Variants in SPEG observed in about 807,000 individuals in gnomAD.
SPEG encodes striated muscle enriched protein kinase.
SPEG carries 114 observed loss-of-function variants against 300.4 expected under a neutral mutation model. The observed-to-expected ratio is 0.38, with a 90% CI of 0.33 to 0.44. SPEG has a LOEUF of 0.44. SPEG is among the 20% of genes least tolerant of loss of function. SPEG has a pLI of 1.00. For synonymous variants in SPEG, 1,964 were observed against 2,018.9 expected, an observed-to-expected ratio of 0.97 and a Z score of 0.73; for missense variants, 4,201 against 4,586.2, an observed-to-expected ratio of 0.92 and a Z score of 2.43.
Position 219,489,768 on chromosome 2 carries a change from C to A in SPEG, c.8750C>A (p.Ala2917Asp), listed in dbSNP as rs1275116074. ...GCACCACCAGCCCCTGAGCCCCCAG[C>A]CCCTGAGCCCCCTCCTGAGCCTACC... Reference protein sequence around the residue: ...VSAPPAPEPPAPEPPPEPTKV... With the variant: ...VSAPPAPEPPDPEPPPEPTKV... The change falls in exon 36 of 41, where the codon GCC becomes GAC. Residue 2917 changes from alanine (A) to aspartate (D), a missense_variant. This residue lies in a region of SPEG where 1,578 missense variants were observed against 1,506.0 expected (regional missense o/e 1.05). Transcript: ENST00000312358. 6.2e-7 allele frequency: 1 copy of A among 1,613,684 alleles called. No homozygotes were observed. Among genetic ancestry groups the A allele is most frequent in the East Asian group, 2.2e-5 (1 of 44,880 alleles).
rs781110021 is a variant in SPEG at position 219,484,449 on chromosome 2, C to T, written c.6986C>T (p.Ser2329Leu). The stretch of plus-strand genomic sequence containing the variant: ...AGTAGCAGCATCGAAAACTTGGAGT[C>T]GGAGGCCGTGTTCGAGGCCAAGTTC... ...SLSSSIENLE[S>L]EAVFEAKFKR... The change falls in exon 30 of 41, where the codon TCG becomes TTG. Residue 2329 changes from serine (S) to leucine (L), a missense_variant. Ser to Leu is a moderately radical substitution (Grantham distance 145). Around this residue, in one of 4 missense-constraint regions of SPEG, gnomAD observed 1,578 missense variants for 1,506.0 expected, o/e 1.05. Transcript: ENST00000312358. 40 of 1,611,272 alleles carry T rather than the reference C, an allele frequency of 2.5e-5. No homozygotes were observed. Among genetic ancestry groups the T allele is most frequent in the Middle Eastern group, 1.6e-4 (1 of 6,084 alleles).
At position 219,483,772 on chromosome 2, in the gene SPEG, G is replaced by A; in HGVS notation, c.6309G>A (p.Arg2103=). Residue 2103 remains arginine, a synonymous_variant, in exon 30 of 41, where the codon CGG becomes CGA. Coordinates refer to ENST00000312358, the MANE Select transcript of SPEG (RefSeq NM_005876.5). Reference sequence around the variant, plus strand: ...TGGGGGGCCGTGCTCGGGACCCCCGGATGGCACGAGCTGCCTCCAGCGAGG... The same window carrying A: ...TGGGGGGCCGTGCTCGGGACCCCCGAATGGCACGAGCTGCCTCCAGCGAGG... The part of the protein sequence containing the change: ...ESLGGRARDP[R]MARAASSEAA... 7.1e-6 allele frequency: 11 copies of A among 1,552,908 alleles called. No homozygotes were observed. Among genetic ancestry groups the A allele is most frequent in the Non-Finnish European group, 9.5e-6 (11 of 1,156,582 alleles).
chr2:219,479,772 T>C lies in SPEG; in HGVS notation c.5086-11T>C. On this transcript the variant is annotated splice_polypyrimidine_tract_variant and intron_variant, in intron 23 of 40. Coordinates refer to ENST00000312358, the MANE Select transcript of SPEG (RefSeq NM_005876.5). This position sits in a 1 kb window ranked among gnomAD's most constrained non-coding sequence, Gnocchi z 5.5. ...CTTCCCCCTCAGACTCTGGGCCCACTATTTCCACAGATCCGGGCCTATATG... is the reference window on the plus strand; with the variant it reads ...CTTCCCCCTCAGACTCTGGGCCCACCATTTCCACAGATCCGGGCCTATATG... The C allele has an allele frequency of 6.2e-7, 1 of 1,613,356 alleles. No homozygotes were observed.
At chr2:219,462,712 T>C (rs549689146) in intron 8 of SPEG, among the ~76,000 whole-genome samples, 78 of 152,358 alleles carry the variant, frequency 5.1e-4, no homozygotes, top group African/African-American at 1.6e-3. Context: ...GGCCAGGAGT[T>C]TGAGACCAGC....
chr2:219,471,839 G>T, intron 13 of SPEG, 29 bp from the exon 14 acceptor site: 1 of 1,613,266 alleles, frequency 6.2e-7, no homozygotes, highest in East Asian at 2.2e-5. Flanking sequence ...CCGGGCTCAG[G>T]CCCAGTGTCA....
chr2:219,467,454 T>G lies in SPEG; in HGVS notation c.3142+20T>G. The stretch of plus-strand genomic sequence containing the variant: ...CCAAAGGTAACTCCCCACTCAGGCA[T>G]TGGGCTGCCGTGGGTGCCCAAGAGC... On this transcript the variant is annotated intron_variant, in intron 10 of 40. Coordinates refer to ENST00000312358, the MANE Select transcript of SPEG (RefSeq NM_005876.5). The G allele has an allele frequency of 6.3e-7, 1 of 1,585,432 alleles. No homozygotes were observed. The highest frequency in any genetic ancestry group is 8.6e-7 in the Non-Finnish European group (1 of 1,162,736).
chr2:219,464,637 C>T lies in SPEG; in HGVS notation c.2881+29C>T. 1.2e-6 allele frequency: 2 copies of T among 1,605,618 alleles called. No individual in the cohort carries two copies. Among genetic ancestry groups the T allele is most frequent in the South Asian group, 2.2e-5 (2 of 90,544 alleles). ...AGTACCTGATTTCTCCATGAATGCC[C>T]ACCTGGCCCTGGCCCCTTCCTTCCC... On this transcript the variant is annotated intron_variant, in intron 9 of 40. Transcript: ENST00000312358. The surrounding 1 kb of genome is among the most constrained non-coding windows in gnomAD (Gnocchi z 4.5).
Position 219,472,281 on chromosome 2 carries a change from G to A in SPEG, c.3890G>A (p.Arg1297Lys), listed in dbSNP as rs767030316. ...CCGCAGGTGGTGGCTGTGACGGGGA[G>A]GATGGTCACACTCACATGGAACCCC... ...GAPQVVAVTG[R>K]MVTLTWNPPR... Residue 1297 changes from arginine (R) to lysine (K), a missense_variant, in exon 15 of 41, where the codon AGG becomes AAG. Transcript: ENST00000312358. 21 of 1,613,876 alleles carry A rather than the reference G, an allele frequency of 1.3e-5. 1 individual carries two copies. In the South Asian group the frequency reaches 2.3e-4, roughly 18 times the overall value.
chr2:219,472,556 C>CA (rs1691979775), intron 15 of SPEG, among the ~76,000 whole-genome samples: 1 of 152,184 alleles, frequency 6.6e-6, no homozygotes, highest in Admixed American at 6.5e-5. Context: ...TTCCCATCCT[C>CA]AGAGTGGGTG....
chr2:219,485,626 C>T, intron 31 of SPEG, 149 bp downstream of exon 31: 1 of 712,868 alleles, frequency 1.4e-6, no homozygotes, highest in South Asian at 2.5e-5. Flanking sequence ...ATAGCAGTAG[C>T]TGACATTCAT....
Position 219,448,974 on chromosome 2 carries a change from G to T in SPEG, c.1816G>T (p.Glu606Ter). The T allele has an allele frequency of 6.6e-7, 1 of 1,509,970 alleles. No individual in the cohort carries two copies. The allele number at this position is 1,509,970 out of a possible 1,614,324, so 93.5% of individuals were successfully genotyped here. Residue 606 changes from glutamate (E) to a stop codon, truncating the protein, a stop_gained, in exon 4 of 41, where the codon GAG becomes TAG. Transcript: ENST00000312358. LOFTEE classifies it high-confidence loss of function. ...GCTGACCCGGAGCAGAGCCATCCAGGAGTGCAGGAGCCCTGTGCCGCCCCC... is the reference window on the plus strand; with the variant it reads ...GCTGACCCGGAGCAGAGCCATCCAGTAGTGCAGGAGCCCTGTGCCGCCCCC... ...FPLTRSRAIQ[E>*]CRSPVPPPAA...
intron 9 of SPEG, chr2:219,465,584 C>T (rs187007301): frequency 1.5e-5 from 3 of 193,684 alleles, no homozygotes; most frequent in East Asian, 1.6e-4. Context: ...GGATTCCTTC[C>T]GACACCCCCA....
chr2:219,468,549 C>T, intron 10 of SPEG, 29 bp from the exon 11 acceptor site: 1 of 1,604,644 alleles, frequency 6.2e-7, no homozygotes, highest in Non-Finnish European at 8.5e-7. Flanking sequence ...TTAGCCTTCC[C>T]TATCTCTGAG....
chr2:219,473,510 C>A lies in SPEG; in HGVS notation c.4154C>A (p.Thr1385Asn), dbSNP rs773080145. 3.1e-6 allele frequency: 5 copies of A among 1,613,854 alleles called. No individual in the cohort carries two copies. The Admixed American group carries it at 6.7e-5, about 22-fold the overall frequency. The change falls in exon 17 of 41, where the codon ACC (threonine) becomes AAC (asparagine). Residue 1385 changes from threonine to asparagine, a missense_variant. Coordinates refer to ENST00000312358, the MANE Select transcript of SPEG (RefSeq NM_005876.5). This position sits in a 1 kb window ranked among gnomAD's most constrained non-coding sequence, Gnocchi z 4.6. ...EPVQLLEHGP[T>N]LEEAPAMLDK... ...TGCGCTCTCCTCCTCCCAGGCCCAA[C>A]CCTGGAGGAGGCCCCTGCCATGCTG...
Position 219,448,999 on chromosome 2 carries a change from C to T in SPEG, c.1841C>T (p.Pro614Leu), listed in dbSNP as rs546598705. 6 of 1,482,724 alleles carry T rather than the reference C, an allele frequency of 4.0e-6. No homozygotes were observed. The highest frequency in any genetic ancestry group is 4.0e-5 in the South Asian group (3 of 74,912). The allele number at this position is 1,482,724 out of a possible 1,614,324, so 91.8% of individuals were successfully genotyped here. Residue 614 changes from proline to leucine, a missense_variant, in exon 4 of 41, where the codon CCC (proline) becomes CTC (leucine). Physicochemically the swap from Pro to Leu is moderately conservative, Grantham distance 98 (BLOSUM62 -3). This residue lies in a region of SPEG where 1,258 missense variants were observed against 1,293.9 expected (regional missense o/e 0.97). Coordinates refer to ENST00000312358, the MANE Select transcript of SPEG (RefSeq NM_005876.5). ...IQECRSPVPP[P>L]AADPPEARTK... is the part of the protein sequence containing the mutation. ...GAGTGCAGGAGCCCTGTGCCGCCCC[C>T]CGCCGCCGATCCCCCAGAGGCCAGG...
chr2:219,470,646 C>T (rs1030856698), intron 13 of SPEG, among the ~76,000 whole-genome samples: 1 of 152,222 alleles, frequency 6.6e-6, no homozygotes, highest in African/African-American at 2.4e-5. Context: ...AGGGACAGCC[C>T]TGACATGAAG....
chr2:219,488,426 G>A (rs1278581458), intron 32 of SPEG, 72 bp from the exon 33 acceptor site: 13 of 1,508,084 alleles, frequency 8.6e-6, no homozygotes, highest in Non-Finnish European at 1.1e-5. Flanking sequence ...ATGCTGGAGT[G>A]GGGAGTGAGT....
chr2:219,489,276 T>C (rs1693739456), intron 35 of SPEG, 55 bp downstream of exon 35: 3 of 1,613,282 alleles, frequency 1.9e-6, no homozygotes, highest in South Asian at 1.1e-5. Flanking sequence ...CCTAGGGTTC[T>C]TGTGGAGCAC....
chr2:219,448,423 C>T lies in SPEG; in HGVS notation c.1265C>T (p.Ala422Val). 1 of 1,522,308 alleles carries T rather than the reference C, an allele frequency of 6.6e-7. No homozygotes were observed. The allele number at this position is 1,522,308 out of a possible 1,614,324, so 94.3% of individuals were successfully genotyped here. Reference protein sequence around the residue: ...RSLERSDSPPAPLRPWVPLRK... With the variant: ...RSLERSDSPPVPLRPWVPLRK... ...CTGGAGCGCAGCGACTCGCCGCCGG[C>T]GCCCCTGCGGCCCTGGGTGCCCCTG... The change falls in exon 4 of 41, where the codon GCG becomes GTG. Residue 422 changes from alanine (A) to valine (V), a missense_variant. By Grantham distance (64) the Ala-to-Val change is moderately conservative (BLOSUM62 0). Transcript: ENST00000312358.
Sources: allele counts gnomAD v4.1 joint callset (sites outside exome capture counted in the v4.1 genomes callset), GRCh38; gene constraint gnomAD v4.1.1; regional missense constraint gnomAD v4.1.1; non-coding constraint Gnocchi (gnomAD v3.1); transcripts MANE v1.5; gene names NCBI Gene and HGNC (gene_info 2026-07-23, HGNC 2026-07-21).